MED21: variants seen among roughly 807,000 people sequenced by gnomAD.
MED21 encodes the protein mediator complex subunit 21.
Under a neutral mutation model 18.2 loss-of-function variants are expected in MED21, and 9 were observed. The observed-to-expected ratio is 0.49, with a 90% CI of 0.30 to 0.86. The LOEUF (loss-of-function observed/expected upper bound fraction) is 0.86, where lower values mean the gene tolerates loss of function less well. MED21 is among the 40% of genes least tolerant of loss of function. The pLI is 0.07. For missense variants in MED21, 150 were observed against 170.9 expected, an observed-to-expected ratio of 0.88 and a Z score of 0.68; for synonymous variants, 73 against 60.5, an observed-to-expected ratio of 1.21 and a Z score of -0.96.
At chr12:27,027,965 C>T (rs1051027590) in intron 3 of MED21, among the ~76,000 whole-genome samples, 2 of 151,754 alleles carry the variant, frequency 1.3e-5, no homozygotes, top group Non-Finnish European at 2.9e-5. Context: ...ATAAGGAAAC[C>T]TCTTATTTTC....
intron 2 of MED21, among the ~76,000 whole-genome samples, chr12:27,036,743 A>G (rs1647374796): frequency 6.6e-6 from 1 of 152,186 alleles, no homozygotes; most frequent in Admixed American, 6.5e-5. Context: ...AAGATCAGAT[A>G]GTTGTAGATA....
chr12:27,035,589 T>TC (rs1295400000), downstream of MED21, among the ~76,000 whole-genome samples: 1 of 61,140 alleles, frequency 1.6e-5, no homozygotes, highest in African/African-American at 6.9e-5. Flanking sequence ...CCCTCCCCCC[T>TC]CCCCCCACCC....
downstream of MED21, among the ~76,000 whole-genome samples, chr12:27,033,662 A>G (rs1420779022): frequency 6.6e-6 from 1 of 152,204 alleles, no homozygotes; most frequent in African/African-American, 2.4e-5. Flanking sequence ...ACTGTGAGGT[A>G]AGAAATCTGT....
At chr12:27,033,360 T>C (rs1941631572), downstream of MED21, among the ~76,000 whole-genome samples, 1 of 152,186 alleles carries the variant, frequency 6.6e-6, no homozygotes, top group Admixed American at 6.5e-5. Flanking sequence ...GAGGTACTAA[T>C]CCCACTCATG....
Position 27,028,701 on chromosome 12 carries a change from A to G in MED21, c.*240A>G, listed in dbSNP as rs2136488808. ...TTTAACTGAGTGAAATTATTAAGGCATGTAATACATTAATGAACATAATAT... is the reference window on the plus strand; with the variant it reads ...TTTAACTGAGTGAAATTATTAAGGCGTGTAATACATTAATGAACATAATAT... On this transcript the variant is annotated 3_prime_UTR_variant, in exon 4 of 4. Transcript: ENST00000282892. 8.6e-7 allele frequency: 1 copy of G among 1,169,148 alleles called. No individual in the cohort carries two copies. The highest frequency in any genetic ancestry group is 1.1e-6 in the Non-Finnish European group (1 of 941,654). 72.4% of individuals were successfully genotyped at this position (1,169,148 alleles called of 1,614,324 possible). A position where few individuals can be genotyped will look rare whatever the true frequency, so the allele number is the denominator to read the frequency against.
At position 27,028,573 on chromosome 12, in the gene MED21, GAC is replaced by G; in HGVS notation, c.*116_*117del. ...CAATTACAGAAACATTAAACACTATGACACATTACCTTTTTAGCTATTTTTAA... is the reference window on the plus strand; with the variant it reads ...CAATTACAGAAACATTAAACACTATGACATTACCTTTTTAGCTATTTTTAA... On this transcript the variant is annotated 3_prime_UTR_variant, in exon 4 of 4. Transcript: ENST00000282892. 2 of 1,407,966 alleles carry G rather than the reference GAC, an allele frequency of 1.4e-6. No homozygotes were observed. Among genetic ancestry groups the G allele is most frequent in the Non-Finnish European group, 9.3e-7 (1 of 1,075,856 alleles). The allele number at this position is 1,407,966 out of a possible 1,614,324, so 87.2% of individuals were successfully genotyped here.
In MED21 at chr12:27,022,890, G is replaced by C. The variant is rs1243756077; in HGVS notation, c.42+269G>C. On this transcript the variant is annotated intron_variant, in intron 1 of 3. Coordinates refer to ENST00000282892, the MANE Select transcript of MED21 (RefSeq NM_004264.5). ...TGTCCGGGTGAGGCCGCCAGGACTT[G>C]TGGGCTGCGCGGTCCTGTCGTGTTC... 5 of 1,389,196 alleles carry C rather than the reference G, an allele frequency of 3.6e-6. No homozygotes were observed. In the South Asian group the frequency reaches 6.4e-5, roughly 18 times the overall value. The allele number at this position is 1,389,196 out of a possible 1,614,324, so 86.1% of individuals were successfully genotyped here.
intron 2 of MED21, among the ~76,000 whole-genome samples, 165 bp downstream of exon 2, chr12:27,026,699 A>G (rs1941549546): frequency 6.6e-6 from 1 of 152,236 alleles, no homozygotes; most frequent in Non-Finnish European, 1.5e-5. Context: ...CAATTCACCT[A>G]ACATCTCATA....
Position 27,029,911 on chromosome 12 carries a change from C to A in MED21, c.*1450C>A. ...ATGAGGGAAAACTAACAGGATTTAT[C>A]ACTAGTAAACCTGCTCTAAAAGAAT... On this transcript the variant is annotated 3_prime_UTR_variant, in exon 4 of 4. Transcript: ENST00000282892. 1.7e-6 allele frequency: 1 copy of A among 595,496 alleles called. No individual in the cohort carries two copies. The highest frequency in any genetic ancestry group is 2.1e-6 in the Non-Finnish European group (1 of 473,964). 36.9% of individuals were successfully genotyped at this position (595,496 alleles called of 1,614,324 possible).
In MED21 at chr12:27,029,532, T is replaced by A; in HGVS notation, c.*1071T>A. ...TGCTGCAATCTGTTGCTATTCAGAG[T>A]TTAAGTTTCAGGAGAAAACAGGAAC... is the stretch of plus-strand genomic sequence containing the variant. On this transcript the variant is annotated 3_prime_UTR_variant, in exon 4 of 4. Coordinates refer to ENST00000282892, the MANE Select transcript of MED21 (RefSeq NM_004264.5). The A allele has an allele frequency of 1.0e-6, 1 of 985,396 alleles. No individual in the cohort carries two copies. The highest frequency in any genetic ancestry group is 1.2e-6 in the Non-Finnish European group (1 of 829,930). The allele number at this position is 985,396 out of a possible 1,614,324, so 61.0% of individuals were successfully genotyped here. A position where few individuals can be genotyped will look rare whatever the true frequency, so the allele number is the denominator to read the frequency against.
downstream of MED21, among the ~76,000 whole-genome samples, chr12:27,034,658 C>G (rs755559723): frequency 6.6e-6 from 1 of 152,108 alleles, no homozygotes; most frequent in Non-Finnish European, 1.5e-5. Flanking sequence ...CCAGGCTTAT[C>G]TCAAACTCCT....
At position 27,029,199 on chromosome 12, in the gene MED21, ATTCT is replaced by A. The variant is rs1212794950; in HGVS notation, c.*743_*746del. 1 of 985,166 alleles carries A rather than the reference ATTCT, an allele frequency of 1.0e-6. No homozygotes were observed. Among genetic ancestry groups the A allele is most frequent in the African/African-American group, 1.7e-5 (1 of 57,194 alleles). 61.0% of individuals were successfully genotyped at this position (985,166 alleles called of 1,614,324 possible). A position where few individuals can be genotyped will look rare whatever the true frequency, so the allele number is the denominator to read the frequency against. On this transcript the variant is annotated 3_prime_UTR_variant, in exon 4 of 4. Coordinates refer to ENST00000282892, the MANE Select transcript of MED21 (RefSeq NM_004264.5). ...ATGAAGTATGTTTTTTGAATCATCA[ATTCT>A]TTCTCATTCTCCATTTATCTGAAGG... is the stretch of plus-strand genomic sequence containing the variant.
chr12:27,023,300 C>T (rs73091121), intron 1 of MED21, among the ~76,000 whole-genome samples: 53 of 110,390 alleles, frequency 4.8e-4, no homozygotes, highest in Middle Eastern at 5.6e-3. Context: ...TTTTTCTTTT[C>T]TTTTTTTTTT....
chr12:27,029,184 T>A lies in MED21; in HGVS notation c.*723T>A. On this transcript the variant is annotated 3_prime_UTR_variant, in exon 4 of 4. Coordinates refer to ENST00000282892, the MANE Select transcript of MED21 (RefSeq NM_004264.5). ...TTGCTTGTCATCACAATGAAGTATGTTTTTTGAATCATCAATTCTTTCTCA... is the reference window on the plus strand; with the variant it reads ...TTGCTTGTCATCACAATGAAGTATGATTTTTGAATCATCAATTCTTTCTCA... 1 of 985,330 alleles carries A rather than the reference T, an allele frequency of 1.0e-6. No homozygotes were observed. Among genetic ancestry groups the A allele is most frequent in the Non-Finnish European group, 1.2e-6 (1 of 829,846 alleles). 61.0% of individuals were successfully genotyped at this position (985,330 alleles called of 1,614,324 possible).
chr12:27,028,119 A>C lies in MED21; in HGVS notation c.259-166A>C, dbSNP rs544452208. ...CTCTAATTGAAAAGTCATTCTTTTT[A>C]ATAATTCACATGGGGAAAATTCTTA... On this transcript the variant is annotated intron_variant, in intron 3 of 3. Transcript: ENST00000282892. Among the ~76,000 whole-genome samples the C allele has an allele frequency of 9.2e-5, 14 of 152,332 alleles. 1 individual carries two copies. In the East Asian group the frequency reaches 1.7e-3, roughly 19 times the overall value.
In MED21 at chr12:27,029,575, G is replaced by C. The variant is rs1941589758; in HGVS notation, c.*1114G>C. Reference sequence around the variant, plus strand: ...ACAGGAACAATAGAACACTCTGCCTGTTATTTTTGTTGTAATCAAGCTTTT... The same window carrying C: ...ACAGGAACAATAGAACACTCTGCCTCTTATTTTTGTTGTAATCAAGCTTTT... On this transcript the variant is annotated 3_prime_UTR_variant, in exon 4 of 4. Coordinates refer to ENST00000282892, the MANE Select transcript of MED21 (RefSeq NM_004264.5). The C allele has an allele frequency of 2.0e-6, 2 of 985,292 alleles. No individual in the cohort carries two copies. Among genetic ancestry groups the C allele is most frequent in the African/African-American group, 3.5e-5 (2 of 57,232 alleles). 61.0% of individuals were successfully genotyped at this position (985,292 alleles called of 1,614,324 possible).
chr12:27,037,407 C>T (rs961659392), intron 2 of MED21: 2 of 151,942 alleles, frequency 1.3e-5, no homozygotes, highest in African/African-American at 4.8e-5. Context: ...TTGACTTCCT[C>T]TTTTCCTAAT....
chr12:27,031,769 A>G (rs149881894), downstream of MED21, among the ~76,000 whole-genome samples: 807 of 152,306 alleles, frequency 5.3e-3, 5 homozygotes, highest in Middle Eastern at 0.014. Flanking sequence ...ATTTACACAA[A>G]ATATGGGAGG....
Position 27,026,538 on chromosome 12 carries a change from A to C in MED21, c.157+4A>C. 1 of 1,595,502 alleles carries C rather than the reference A, an allele frequency of 6.3e-7. No individual in the cohort carries two copies. Among genetic ancestry groups the C allele is most frequent in the Non-Finnish European group, 8.6e-7 (1 of 1,164,088 alleles). ...CAGCCAGCTAACCCTACAGAAGGTA[A>C]ACAGGTTTTCTTAGCTTCTCTTAGT... On this transcript the variant is annotated splice_donor_region_variant and intron_variant, in intron 2 of 3. Transcript: ENST00000282892.
Sources: gnomAD v4.1 joint callset for allele counts (sites outside exome capture counted in the v4.1 genomes callset) on GRCh38, gnomAD v4.1.1 for gene constraint, MANE v1.5 for transcripts, NCBI Gene and HGNC (gene_info 2026-07-23, HGNC 2026-07-21) for gene names.